The following FAM227B variants were observed in gnomAD, a reference collection of about 807,000 sequenced individuals.
The protein encoded by FAM227B is family with sequence similarity 227 member B, also known as protein FAM227B.
FAM227B carries 88 observed loss-of-function variants against 73.8 expected under a neutral mutation model. That is an observed-to-expected ratio of 1.19 (90% confidence interval 1.00 to 1.42). FAM227B has a LOEUF of 1.42. FAM227B is among the 40% of genes most tolerant of loss of function. The pLI, the probability that FAM227B is intolerant of heterozygous loss-of-function variation, is 0.00. For missense variants in FAM227B, 632 were observed against 590.9 expected, an observed-to-expected ratio of 1.07 and a Z score of -0.72; for synonymous variants, 210 against 190.5, an observed-to-expected ratio of 1.10 and a Z score of -0.84.
intron 11 of FAM227B, chr15:49,489,450 T>G: frequency 1.2e-6 from 1 of 827,612 alleles, no homozygotes; most frequent in Non-Finnish European, 1.5e-6. Context: ...TAGCCTGAGA[T>G]GTGGCTACTT....
chr15:49,557,887 T>C (rs563980859), intron 9 of FAM227B, among the ~76,000 whole-genome samples: 5 of 152,330 alleles, frequency 3.3e-5, no homozygotes, highest in Admixed American at 6.5e-5. Flanking sequence ...CCATCTGCTG[T>C]AGCCCCAACA....
chr15:49,406,652 C>T (rs1410948468), intron 11 of FAM227B, among the ~76,000 whole-genome samples: 3 of 151,872 alleles, frequency 2.0e-5, no homozygotes, highest in Non-Finnish European at 4.4e-5. Context: ...TGGGGAGTGC[C>T]GTGGGGGAGC....
In FAM227B at chr15:49,577,640, T is replaced by G; in HGVS notation, c.430A>C (p.Lys144Gln). 1.3e-6 allele frequency: 2 copies of G among 1,566,950 alleles called. No individual in the cohort carries two copies. Among genetic ancestry groups the G allele is most frequent in the Non-Finnish European group, 1.7e-6 (2 of 1,147,382 alleles). ...IMLSDEMETE[K>Q]NIEGCSFTGF... ...GAAATTTTAAGTACCTCTATATTCT[T>G]CTCTGTCTCCATTTCATCTGAAAGC... is the stretch of plus-strand genomic sequence containing the variant. The change falls in exon 6 of 16, where the codon AAG becomes CAG. Residue 144 changes from lysine to glutamine, a missense_variant. Physicochemically the swap from Lys to Gln is moderately conservative, Grantham distance 53. Coordinates refer to ENST00000299338, the MANE Select transcript of FAM227B (RefSeq NM_152647.3).
At chr15:49,494,289 A>C (rs887026000) in intron 11 of FAM227B, among the ~76,000 whole-genome samples, 6 of 144,492 alleles carry the variant, frequency 4.2e-5, no homozygotes, top group South Asian at 2.2e-4. Flanking sequence ...ACACACACAC[A>C]CCCTAAACAT....
intron 10 of FAM227B, among the ~76,000 whole-genome samples, chr15:49,513,527 A>G (rs2059162955): frequency 6.6e-6 from 1 of 152,158 alleles, no homozygotes; most frequent in Non-Finnish European, 1.5e-5. Context: ...GTAGCTTGCA[A>G]AAATTTTCTC....
chr15:49,487,488 T>C (rs1325928018), intron 11 of FAM227B: 2 of 151,854 alleles, frequency 1.3e-5, no homozygotes, highest in Admixed American at 6.6e-5. Flanking sequence ...AAATTCAATT[T>C]AATGACAGAA....
chr15:49,605,371 G>A lies in FAM227B; in HGVS notation c.105+5844C>T, dbSNP rs373115776. ...TCCCTTAGGTGGTATTACCTCTTGG[G>A]TCCACCGGAGTGGTCCTGAGTCCTA... is the stretch of plus-strand genomic sequence containing the variant. On this transcript the variant is annotated intron_variant, in intron 3 of 15. Transcript: ENST00000299338. Among the ~76,000 whole-genome samples, 6 of 152,180 alleles carry A rather than the reference G, an allele frequency of 3.9e-5. No individual in the cohort carries two copies. In the East Asian group the frequency reaches 7.7e-4, roughly 20 times the overall value.
At chr15:49,544,150 T>C (rs1272692938) in intron 9 of FAM227B, among the ~76,000 whole-genome samples, 1 of 152,196 alleles carries the variant, frequency 6.6e-6, no homozygotes, top group Non-Finnish European at 1.5e-5. Context: ...TATTTGTTTG[T>C]CTCATCTGTG....
At chr15:49,489,960 A>C in intron 11 of FAM227B, among the ~76,000 whole-genome samples, 1 of 142,266 alleles carries the variant, frequency 7.0e-6, no homozygotes, top group South Asian at 2.3e-4. Context: ...CTAGGCCCCA[A>C]CGCAGGCCAA....
intron 11 of FAM227B, among the ~76,000 whole-genome samples, chr15:49,471,081 C>G (rs1369693538): frequency 6.6e-6 from 1 of 152,020 alleles, no homozygotes; most frequent in Non-Finnish European, 1.5e-5. Context: ...TATGCTACAG[C>G]TTATTAGAAA....
intron 10 of FAM227B, among the ~76,000 whole-genome samples, chr15:49,510,476 C>A (rs936874807): frequency 3.0e-4 from 45 of 152,078 alleles, no homozygotes; most frequent in African/African-American, 9.2e-4. Context: ...CTGCTCCCCC[C>A]ACTATTGTCT....
rs1468689110 is a variant in FAM227B, at chr15:49,476,219, TTTTTTGTTTTTGG to T, written c.1012+31979_1012+31991del. Among the ~76,000 whole-genome samples the T allele has an allele frequency of 8.3e-5, 10 of 120,958 alleles. 1 individual carries two copies. The highest frequency in any genetic ancestry group is 1.8e-4 in the Non-Finnish European group (10 of 56,804). The allele number at this position is 120,958 out of a possible 152,430, so 79.4% of individuals were successfully genotyped here. A position where few individuals can be genotyped will look rare whatever the true frequency, so the allele number is the denominator to read the frequency against. ...ATTCCTATTTATTTTGCTGTTTTGTTTTTTTGTTTTTGGTTTTTTTTTTTTTGCATTTGGCATA... is the reference window on the plus strand; with the variant it reads ...ATTCCTATTTATTTTGCTGTTTTGTTTTTTTTTTTTTTTGCATTTGGCATA... On this transcript the variant is annotated intron_variant, in intron 11 of 15. Coordinates refer to ENST00000299338, the MANE Select transcript of FAM227B (RefSeq NM_152647.3).
chr15:49,424,269 T>G (rs1406307221), intron 11 of FAM227B: 2 of 1,589,980 alleles, frequency 1.3e-6, no homozygotes, highest in Non-Finnish European at 1.7e-6. Flanking sequence ...CATTATGTTA[T>G]TCATGAACAC....
chr15:49,432,239 T>C (rs772279967), intron 11 of FAM227B, among the ~76,000 whole-genome samples: 6 of 151,712 alleles, frequency 4.0e-5, no homozygotes, highest in Non-Finnish European at 7.4e-5. Context: ...CAGAATGAAC[T>C]CAGCTTGCAG....
At chr15:49,333,494 T>C (rs915883488) in intron 14 of FAM227B, among the ~76,000 whole-genome samples, 14 of 152,214 alleles carry the variant, frequency 9.2e-5, no homozygotes, top group African/African-American at 3.4e-4. Context: ...CTATGTGGAT[T>C]TGATTTTTGG....
At chr15:49,578,971 C>T (rs893283517) in intron 5 of FAM227B, among the ~76,000 whole-genome samples, 26 of 152,028 alleles carry the variant, frequency 1.7e-4, no homozygotes, top group Non-Finnish European at 3.8e-4. Flanking sequence ...AACAGCAAAA[C>T]TAAACACAAA....
chr15:49,431,126 A>T (rs1567262681), intron 11 of FAM227B, among the ~76,000 whole-genome samples: 1 of 151,816 alleles, frequency 6.6e-6, no homozygotes, highest in Non-Finnish European at 1.5e-5. Context: ...TGTATACTTA[A>T]GTAATATGGA....
At chr15:49,603,165 T>A (rs753219870) in intron 3 of FAM227B, among the ~76,000 whole-genome samples, 1 of 152,222 alleles carries the variant, frequency 6.6e-6, no homozygotes, top group Non-Finnish European at 1.5e-5. Flanking sequence ...GATTTTCTTT[T>A]CTATTTCTGT....
intron 14 of FAM227B, 49 bp from the exon 15 acceptor site, chr15:49,331,898 T>C (rs765548549): frequency 8.4e-6 from 9 of 1,073,524 alleles, no homozygotes; most frequent in South Asian, 2.5e-5. Context: ...TGTCCTTATA[T>C]TGACACCATC....
Sources: allele counts gnomAD v4.1 joint callset (sites outside exome capture counted in the v4.1 genomes callset), GRCh38; gene constraint gnomAD v4.1.1; transcripts MANE v1.5; gene names NCBI Gene and HGNC (gene_info 2026-07-23, HGNC 2026-07-21).